SLC5A10: variants seen among roughly 807,000 people sequenced by gnomAD.
SLC5A10 encodes the protein sodium/mannose cotransporter SLC5A10.
SLC5A10 carries 55 observed loss-of-function variants against 68.9 expected under a neutral mutation model. The ratio of observed to expected loss-of-function variants is 0.80; its 90% CI spans 0.64 to 1.00. The LOEUF (loss-of-function observed/expected upper bound fraction) is 1.00, where lower values mean the gene tolerates loss of function less well. SLC5A10 is among the 50% of genes least tolerant of loss of function. The probability of loss-of-function intolerance (pLI) is 0.00; values close to 1 mark genes in which losing one functional copy is unlikely to be tolerated. For missense variants in SLC5A10, 732 were observed against 819.3 expected, an observed-to-expected ratio of 0.89 and a Z score of 1.30; for synonymous variants, 344 against 344.8, an observed-to-expected ratio of 1.00 and a Z score of 0.02.
chr17:19,008,447 C>T (rs1343309004), intron 9 of SLC5A10, among the ~76,000 whole-genome samples: 1 of 150,686 alleles, frequency 6.6e-6, no homozygotes, highest in Non-Finnish European at 1.5e-5. Context: ...GGTTTTTGGC[C>T]TATAGATGTT....
chr17:18,994,891 G>A (rs2043524645), intron 9 of SLC5A10, among the ~76,000 whole-genome samples: 1 of 152,164 alleles, frequency 6.6e-6, no homozygotes, highest in Non-Finnish European at 1.5e-5. Flanking sequence ...GTTTATAAAA[G>A]CTGGCAAGAG....
rs371848191 is a variant in SLC5A10, at chr17:18,988,292, G to A, written c.982+11303G>A. 60 of 1,614,070 alleles carry A rather than the reference G, an allele frequency of 3.7e-5. No individual in the cohort carries two copies. In the African/African-American group the frequency reaches 6.8e-4, roughly 18 times the overall value. ...TGCAGGCCCGCTCACACATGTGCAG[G>A]AAGTACTTGACGTTACTCTCATCCA... On this transcript the variant is annotated intron_variant, in intron 9 of 14. Coordinates refer to ENST00000395645, the MANE Select transcript of SLC5A10 (RefSeq NM_001042450.4).
intron 1 of SLC5A10, 51 bp downstream of exon 1, chr17:18,952,367 T>C: frequency 1.3e-6 from 2 of 1,573,190 alleles, no homozygotes; most frequent in Non-Finnish European, 1.7e-6. Flanking sequence ...GGGTTGGTGC[T>C]TGGGGTGGGA....
intron 9 of SLC5A10, among the ~76,000 whole-genome samples, chr17:18,981,168 A>G (rs1300180658): frequency 2.0e-5 from 3 of 152,216 alleles, no homozygotes; most frequent in African/African-American, 7.2e-5. Context: ...CTGAATGCCC[A>G]GGATCGCAGA....
intron 9 of SLC5A10, chr17:18,978,418 C>G: frequency 6.3e-7 from 1 of 1,593,674 alleles, no homozygotes; most frequent in Non-Finnish European, 8.5e-7. Flanking sequence ...CCGGGTCTGG[C>G]TCCACCCACG....
intron 12 of SLC5A10, 21 bp downstream of exon 12, chr17:19,019,612 C>G (rs748929211): frequency 2.5e-6 from 4 of 1,609,180 alleles, no homozygotes; most frequent in South Asian, 2.2e-5. Context: ...GCGGTCTGCT[C>G]TCCCTGGGGA....
chr17:19,014,985 C>G (rs1331817013), intron 10 of SLC5A10, 64 bp from the exon 11 acceptor site: 3 of 1,566,358 alleles, frequency 1.9e-6, no homozygotes, highest in Non-Finnish European at 2.6e-6. Flanking sequence ...AGAGCCCAGG[C>G]GGGAGGGGTT....
chr17:19,020,253 G>A, intron 14 of SLC5A10, 41 bp downstream of exon 14: 1 of 1,613,388 alleles, frequency 6.2e-7, no homozygotes, highest in South Asian at 1.1e-5. Flanking sequence ...CTTGACCCTG[G>A]CCTGGAGGCA....
chr17:18,980,698 C>G (rs1038646323), intron 9 of SLC5A10, among the ~76,000 whole-genome samples: 1 of 152,096 alleles, frequency 6.6e-6, no homozygotes, highest in Non-Finnish European at 1.5e-5. Flanking sequence ...TGGCTGGAAC[C>G]CAAGTGTCGA....
At position 19,015,166 on chromosome 17, in the gene SLC5A10, G is replaced by T. The variant is rs780978997; in HGVS notation, c.1208G>T (p.Arg403Leu). Reference protein sequence around the residue: ...TMDIWRRLRPRSGERELLLVG... With the variant: ...TMDIWRRLRPLSGERELLLVG... ...GACATCTGGAGGCGGCTGCGTCCCCGCTCCGGCGAGCGGGAGCTCCTGCTG... is the reference window on the plus strand; with the variant it reads ...GACATCTGGAGGCGGCTGCGTCCCCTCTCCGGCGAGCGGGAGCTCCTGCTG... Residue 403 changes from arginine to leucine, a missense_variant, in exon 11 of 15, where the codon CGC becomes CTC. Coordinates refer to ENST00000395645, the MANE Select transcript of SLC5A10 (RefSeq NM_001042450.4). The T allele has an allele frequency of 5.8e-5, 89 of 1,526,160 alleles. No homozygotes were observed. The highest frequency in any genetic ancestry group is 7.8e-5 in the Non-Finnish European group (87 of 1,118,692). The allele number at this position is 1,526,160 out of a possible 1,614,324, so 94.5% of individuals were successfully genotyped here.
At chr17:18,997,012 C>T (rs928033241) in intron 9 of SLC5A10, among the ~76,000 whole-genome samples, 2 of 152,232 alleles carry the variant, frequency 1.3e-5, no homozygotes, top group Non-Finnish European at 2.9e-5. Flanking sequence ...ACTGGATGAA[C>T]TCTGAGGTCC....
chr17:19,015,864 A>T (rs1490086996), intron 11 of SLC5A10, among the ~76,000 whole-genome samples: 2 of 152,170 alleles, frequency 1.3e-5, no homozygotes, highest in Non-Finnish European at 2.9e-5. Flanking sequence ...TGGGCGCTTC[A>T]TGAGGACCGG....
chr17:18,960,471 G>A, intron 4 of SLC5A10, 77 bp from the exon 5 acceptor site: 2 of 1,275,490 alleles, frequency 1.6e-6, no homozygotes, highest in South Asian at 2.6e-5. Flanking sequence ...GAGAGGCAGA[G>A]TGATTGAGAC....
Position 19,020,453 on chromosome 17 carries a change from G to T in SLC5A10, c.*22G>T. 1 of 1,611,222 alleles carries T rather than the reference G, an allele frequency of 6.2e-7. No individual in the cohort carries two copies. Among genetic ancestry groups the T allele is most frequent in the Non-Finnish European group, 8.5e-7 (1 of 1,177,966 alleles). On this transcript the variant is annotated 3_prime_UTR_variant, in exon 15 of 15. Coordinates refer to ENST00000395645, the MANE Select transcript of SLC5A10 (RefSeq NM_001042450.4). Reference sequence around the variant, plus strand: ...CTGACACTGCCATCCTGGACAGAAAGGCAGGAGCTCTGAGTCCTCAGGTCC... The same window carrying T: ...CTGACACTGCCATCCTGGACAGAAATGCAGGAGCTCTGAGTCCTCAGGTCC...
At chr17:18,950,765 G>C (rs1567771107), upstream of SLC5A10, 1 of 889,448 alleles carries the variant, frequency 1.1e-6, no homozygotes, top group East Asian at 1.2e-4. Context: ...GCCCAGGCTG[G>C]ACTGCAATGG....
Position 18,969,073 on chromosome 17 carries a change from C to CT in SLC5A10, c.476dup (p.Phe160ValfsTer57), listed in dbSNP as rs1290113380. ...GCAGCTGGACCTGTACGCGGGGGCTCTGTTTGTGCACATCTGCCTGGGCTG... is the reference window on the plus strand; with the variant it reads ...GCAGCTGGACCTGTACGCGGGGGCTCTTGTTTGTGCACATCTGCCTGGGCTG... On this transcript the variant is annotated frameshift_variant, in exon 6 of 15. Transcript: ENST00000395645. LOFTEE classifies it high-confidence loss of function. 1 of 1,614,040 alleles carries CT rather than the reference C, an allele frequency of 6.2e-7. No homozygotes were observed.
At chr17:18,984,752 C>G (rs1452201009) in intron 9 of SLC5A10, among the ~76,000 whole-genome samples, 1 of 152,228 alleles carries the variant, frequency 6.6e-6, no homozygotes, top group East Asian at 1.9e-4. Context: ...AGTATCACCC[C>G]CAAAAGCAGC....
chr17:18,957,412 G>A (rs1226078876), intron 1 of SLC5A10, among the ~76,000 whole-genome samples: 4 of 152,182 alleles, frequency 2.6e-5, no homozygotes. Flanking sequence ...TTTTATAAAA[G>A]TTGAGATAAA....
Position 19,003,620 on chromosome 17 carries a change from T to G in SLC5A10, c.983-9790T>G. The G allele has an allele frequency of 6.2e-7, 1 of 1,612,056 alleles. No individual in the cohort carries two copies. Among genetic ancestry groups the G allele is most frequent in the Non-Finnish European group, 8.5e-7 (1 of 1,179,372 alleles). Reference sequence around the variant, plus strand: ...GACGCTAGCCCGGGTCACGCCGCGGTAGGCGATGGTGTCGGGCCAGCCCAG... The same window carrying G: ...GACGCTAGCCCGGGTCACGCCGCGGGAGGCGATGGTGTCGGGCCAGCCCAG... On this transcript the variant is annotated intron_variant, in intron 9 of 14. Transcript: ENST00000395645. This position sits in a 1 kb window ranked among gnomAD's most constrained non-coding sequence, Gnocchi z 4.5.
Sources: gnomAD v4.1 joint callset for allele counts (sites outside exome capture counted in the v4.1 genomes callset) on GRCh38, gnomAD v4.1.1 for gene constraint, Gnocchi (gnomAD v3.1) non-coding constraint, MANE v1.5 for transcripts, NCBI Gene and HGNC (gene_info 2026-07-23, HGNC 2026-07-21) for gene names.